The following STARD13 variants were observed in gnomAD, a reference collection of about 807,000 sequenced individuals.
STARD13 encodes the protein StAR related lipid transfer domain containing 13.
Under a neutral mutation model 106.4 loss-of-function variants are expected in STARD13, and 62 were observed. The observed-to-expected ratio is 0.58, with a 90% CI of 0.48 to 0.72. The LOEUF is 0.72. Among genes scored for constraint, STARD13 ranks in the 30% least tolerant of loss-of-function variants. The probability of loss-of-function intolerance (pLI) is 0.00; values close to 1 mark genes in which losing one functional copy is unlikely to be tolerated. For synonymous variants in STARD13, 565 were observed against 553.0 expected (o/e 1.02, Z -0.31); for missense variants, 1,387 against 1,424.0 (o/e 0.97, Z 0.42).
chr13:33,305,914 T>C (rs1230715062), intron 1 of STARD13, among the ~76,000 whole-genome samples: 1 of 152,222 alleles, frequency 6.6e-6, no homozygotes, highest in Non-Finnish European at 1.5e-5. Flanking sequence ...AAGCAATTTA[T>C]AGATTCAATG....
the STARD13 span, among the ~76,000 whole-genome samples, chr13:33,477,704 C>A: frequency 6.6e-6 from 1 of 152,270 alleles, no homozygotes; most frequent in African/African-American, 2.4e-5. Flanking sequence ...CAACACCATT[C>A]CTCCGCATGA....
the STARD13 span, among the ~76,000 whole-genome samples, chr13:33,561,321 A>G: frequency 6.6e-6 from 1 of 151,660 alleles, no homozygotes; most frequent in African/African-American, 2.4e-5. Flanking sequence ...TTATGGTCAC[A>G]CTAATAAAAA....
the STARD13 span, among the ~76,000 whole-genome samples, chr13:33,440,300 C>A: frequency 4.0e-5 from 6 of 151,566 alleles, no homozygotes; most frequent in Admixed American, 2.6e-4. Flanking sequence ...TTACATGATA[C>A]CATGTGTCTA....
chr13:33,506,937 C>A, the STARD13 span, among the ~76,000 whole-genome samples: 2 of 152,000 alleles, frequency 1.3e-5, no homozygotes, highest in Admixed American at 6.6e-5. Context: ...CATAGTGAGA[C>A]CCTGTCTCTA....
the STARD13 span, among the ~76,000 whole-genome samples, chr13:33,361,150 C>G: frequency 6.6e-6 from 1 of 151,060 alleles, no homozygotes; most frequent in Non-Finnish European, 1.5e-5. Flanking sequence ...CCTGCCTCCC[C>G]TTCCACCTCC....
At chr13:33,664,581 G>A in the STARD13 span, among the ~76,000 whole-genome samples, 4 of 152,100 alleles carry the variant, frequency 2.6e-5, no homozygotes, top group Non-Finnish European at 5.9e-5. Context: ...ATTGACACAA[G>A]TCAGTTGCCT....
chr13:33,399,148 T>C, the STARD13 span, among the ~76,000 whole-genome samples: 4 of 152,174 alleles, frequency 2.6e-5, no homozygotes, highest in Non-Finnish European at 4.4e-5. Flanking sequence ...TGGAGTATTA[T>C]TCAGGCATAA....
chr13:33,185,925 C>A (rs753631083), intron 1 of STARD13: 8 of 1,614,252 alleles, frequency 5.0e-6, no homozygotes, highest in Non-Finnish European at 6.8e-6. Context: ...TTTCCCACCA[C>A]AGACAGTGTC....
chr13:33,259,115 C>G (rs1262067851), intron 1 of STARD13, among the ~76,000 whole-genome samples: 1 of 152,214 alleles, frequency 6.6e-6, no homozygotes, highest in Non-Finnish European at 1.5e-5. Context: ...TACCTCCCTC[C>G]CTTCCTCCCC....
At chr13:33,513,091 C>A in the STARD13 span, among the ~76,000 whole-genome samples, 1 of 152,214 alleles carries the variant, frequency 6.6e-6, no homozygotes, top group Non-Finnish European at 1.5e-5. Flanking sequence ...GGAACCAAAA[C>A]CACATGGCCT....
chr13:33,514,174 G>A, the STARD13 span, among the ~76,000 whole-genome samples: 1 of 152,134 alleles, frequency 6.6e-6, no homozygotes, highest in African/African-American at 2.4e-5. Context: ...ATACCTTGAC[G>A]CTCAGGCAGA....
chr13:33,347,273 T>C (rs1594291337), downstream of STARD13, among the ~76,000 whole-genome samples: 1 of 152,318 alleles, frequency 6.6e-6, no homozygotes, highest in East Asian at 1.9e-4. Flanking sequence ...TCTCGCTCTA[T>C]TACCTAGGCT....
At chr13:33,398,593 C>A in the STARD13 span, among the ~76,000 whole-genome samples, 1 of 150,224 alleles carries the variant, frequency 6.7e-6, no homozygotes, top group African/African-American at 2.5e-5. Flanking sequence ...ATAAAAAATT[C>A]AACTAAATTT....
At chr13:33,674,911 A>G in the STARD13 span, among the ~76,000 whole-genome samples, 3 of 152,212 alleles carry the variant, frequency 2.0e-5, no homozygotes, top group Non-Finnish European at 2.9e-5. Flanking sequence ...TCACATACAT[A>G]GTATTTGGAT....
At chr13:33,388,958 T>C in the STARD13 span, among the ~76,000 whole-genome samples, 15 of 150,366 alleles carry the variant, frequency 1.0e-4, no homozygotes, top group African/African-American at 3.7e-4. Flanking sequence ...GTCCTTCTTT[T>C]TTTTTTTTTT....
intron 1 of STARD13, among the ~76,000 whole-genome samples, chr13:33,255,779 A>C (rs1890332039): frequency 6.6e-6 from 1 of 152,136 alleles, no homozygotes; most frequent in Admixed American, 6.5e-5. Context: ...CAAAGGCACA[A>C]ACCCTTGCTT....
chr13:33,117,839 G>T (rs936065824), intron 8 of STARD13: 1 of 984,926 alleles, frequency 1.0e-6, no homozygotes, highest in African/African-American at 1.7e-5. Flanking sequence ...TTTTGAGAAG[G>T]AATATTTTGA....
At chr13:33,306,896 G>A (rs551671382) in intron 1 of STARD13, among the ~76,000 whole-genome samples, 32 of 152,108 alleles carry the variant, frequency 2.1e-4, no homozygotes, top group Admixed American at 1.7e-3. Flanking sequence ...GTTGTAGTGC[G>A]CCAAGATTGT....
chr13:33,388,967 T>G, the STARD13 span, among the ~76,000 whole-genome samples: 1 of 151,256 alleles, frequency 6.6e-6, no homozygotes, highest in South Asian at 2.1e-4. Flanking sequence ...TTTTTTTTTT[T>G]TTTTTGAGAT....
Sources: allele counts gnomAD v4.1 joint callset (sites outside exome capture counted in the v4.1 genomes callset), GRCh38; gene constraint gnomAD v4.1.1; transcripts MANE v1.5; gene names NCBI Gene and HGNC (gene_info 2026-07-23, HGNC 2026-07-21).